Variants in LPP observed in about 807,000 individuals in gnomAD.
The protein encoded by LPP is lipoma-preferred partner.
Under a neutral mutation model 60.4 loss-of-function variants are expected in LPP, and 38 were observed. The observed-to-expected ratio is 0.63, with a 90% CI of 0.49 to 0.83. The LOEUF is 0.83. Among genes scored for constraint, LPP ranks in the 40% least tolerant of loss-of-function variants. The pLI is 0.00. For missense variants in LPP, 902 were observed against 783.6 expected, an observed-to-expected ratio of 1.15 and a Z score of -1.80; for synonymous variants, 328 against 290.8, an observed-to-expected ratio of 1.13 and a Z score of -1.30.
intron 9 of LPP, among the ~76,000 whole-genome samples, chr3:188,794,947 C>A (rs1292935101): frequency 1.3e-5 from 2 of 152,046 alleles, no homozygotes; most frequent in African/African-American, 4.8e-5. Context: ...ACCAACCTGG[C>A]CAACACGGTG....
rs1770628886 is a variant in LPP at position 188,886,117 on chromosome 3, C to T, written c.*11638C>T. On this transcript the variant is annotated 3_prime_UTR_variant, in exon 12 of 12. Transcript: ENST00000617246. The stretch of plus-strand genomic sequence containing the variant: ...ATTGAACAATGAGAACACATGGACA[C>T]AGGAAGGGGAACATCACACTCTGGG... 1 of 145,916 alleles carries T rather than the reference C, an allele frequency of 6.9e-6. No individual in the cohort carries two copies. The highest frequency in any genetic ancestry group is 7.0e-5 in the Admixed American group (1 of 14,236). The allele number at this position is 145,916 out of a possible 1,614,324, so 9.0% of individuals were successfully genotyped here. A position where few individuals can be genotyped will look rare whatever the true frequency, so the allele number is the denominator to read the frequency against.
At chr3:188,807,257 A>C (rs1367452375) in intron 9 of LPP, among the ~76,000 whole-genome samples, 2 of 151,838 alleles carry the variant, frequency 1.3e-5, no homozygotes, top group Non-Finnish European at 2.9e-5. Context: ...GACTGATCTC[A>C]AACTTTTATC....
chr3:188,837,499 A>G (rs557137961), intron 9 of LPP, among the ~76,000 whole-genome samples: 1 of 151,954 alleles, frequency 6.6e-6, no homozygotes, highest in Admixed American at 6.6e-5. Flanking sequence ...GTTCACAGCT[A>G]AATTTGATTT....
At chr3:188,756,998 C>A (rs929093391) in intron 8 of LPP, among the ~76,000 whole-genome samples, 1 of 152,224 alleles carries the variant, frequency 6.6e-6, no homozygotes, top group Non-Finnish European at 1.5e-5. Context: ...GTCACTCATT[C>A]TCTCCGTGAG....
chr3:188,362,934 A>G (rs376835259), intron 3 of LPP, among the ~76,000 whole-genome samples: 1 of 152,192 alleles, frequency 6.6e-6, no homozygotes, highest in Non-Finnish European at 1.5e-5. Flanking sequence ...CATCCACCAC[A>G]TTATTAATTC....
intron 5 of LPP, among the ~76,000 whole-genome samples, chr3:188,515,226 A>G (rs556387462): frequency 2.0e-5 from 3 of 152,098 alleles, no homozygotes; most frequent in Non-Finnish European, 4.4e-5. Flanking sequence ...CTTGGTAATG[A>G]GTGAGTTCTT....
In LPP at chr3:188,225,338, C is replaced by T. The variant is rs182797985; in HGVS notation, c.-189-67C>T. On this transcript the variant is annotated intron_variant, in intron 1 of 11. Coordinates refer to ENST00000617246, the MANE Select transcript of LPP (RefSeq NM_001375462.1). Reference sequence around the variant, plus strand: ...ACGGCCCAGTCAGAGACTTTATAAGCCTGGGAATTTCTGAAGCTGGTTAAG... The same window carrying T: ...ACGGCCCAGTCAGAGACTTTATAAGTCTGGGAATTTCTGAAGCTGGTTAAG... 11 of 152,200 alleles carry T rather than the reference C, an allele frequency of 7.2e-5. 1 individual carries two copies. In the East Asian group the frequency reaches 2.1e-3, roughly 29 times the overall value. The allele number at this position is 152,200 out of a possible 1,614,324, so 9.4% of individuals were successfully genotyped here.
intron 6 of LPP, among the ~76,000 whole-genome samples, chr3:188,552,153 C>A (rs1828316167): frequency 1.3e-5 from 2 of 152,118 alleles, no homozygotes; most frequent in Admixed American, 6.5e-5. Flanking sequence ...TTTTACAATT[C>A]CCAGAATTAT....
chr3:188,371,694 G>T (rs142263994), intron 3 of LPP, among the ~76,000 whole-genome samples: 27 of 106,444 alleles, frequency 2.5e-4, no homozygotes, highest in Admixed American at 7.9e-4. Context: ...TGCTCTTGTC[G>T]CCCAGGCTGG....
At chr3:188,365,919 T>G (rs935520479) in intron 3 of LPP, among the ~76,000 whole-genome samples, 10 of 152,152 alleles carry the variant, frequency 6.6e-5, no homozygotes, top group African/African-American at 2.4e-4. Flanking sequence ...CGTTTAAGAT[T>G]TACTCTATTA....
At chr3:188,203,374 A>G (rs1731682447) in intron 1 of LPP, among the ~76,000 whole-genome samples, 1 of 100,838 alleles carries the variant, frequency 9.9e-6, no homozygotes, top group African/African-American at 4.1e-5. Flanking sequence ...ATATAAATAT[A>G]TATTAATATT....
At position 188,827,616 on chromosome 3, in the gene LPP, G is replaced by A. The variant is rs548165246; in HGVS notation, c.1411-38584G>A. 9.7e-4 allele frequency among the ~76,000 whole-genome samples: 148 copies of A among 152,296 alleles called. 1 individual carries two copies. The highest frequency in any genetic ancestry group is 2.0e-3 in the Admixed American group (30 of 15,298). Reference sequence around the variant, plus strand: ...CTGGGCAACATTTCCACAACAGGGAGTGGAACAGAGAGACAGAAAATATTG... The same window carrying A: ...CTGGGCAACATTTCCACAACAGGGAATGGAACAGAGAGACAGAAAATATTG... On this transcript the variant is annotated intron_variant, in intron 9 of 11. Coordinates refer to ENST00000617246, the MANE Select transcript of LPP (RefSeq NM_001375462.1).
At chr3:188,650,932 C>T (rs903672388) in intron 7 of LPP, among the ~76,000 whole-genome samples, 2 of 152,130 alleles carry the variant, frequency 1.3e-5, no homozygotes, top group African/African-American at 4.8e-5. Flanking sequence ...AAATGACCCA[C>T]AAACTTTGCA....
At chr3:188,781,751 A>G (rs1378596245) in intron 9 of LPP, among the ~76,000 whole-genome samples, 2 of 151,326 alleles carry the variant, frequency 1.3e-5, no homozygotes, top group Non-Finnish European at 3.0e-5. Context: ...AATTAGCCGG[A>G]CATGGTGGCG....
intron 8 of LPP, among the ~76,000 whole-genome samples, chr3:188,733,839 A>T (rs1321527413): frequency 6.6e-6 from 1 of 152,230 alleles, no homozygotes; most frequent in Non-Finnish European, 1.5e-5. Context: ...CTAGAAAATT[A>T]TGCATTTTGT....
chr3:188,222,917 T>G (rs1716335663), intron 1 of LPP, among the ~76,000 whole-genome samples: 1 of 152,146 alleles, frequency 6.6e-6, no homozygotes, highest in Non-Finnish European at 1.5e-5. Flanking sequence ...TTATATTTTC[T>G]TAAAAAAAAT....
At chr3:188,364,541 G>A (rs975064194) in intron 3 of LPP, among the ~76,000 whole-genome samples, 1 of 152,158 alleles carries the variant, frequency 6.6e-6, no homozygotes, top group African/African-American at 2.4e-5. Context: ...TAGAGTTGAG[G>A]AATTTGTAGT....
At chr3:188,577,677 A>G (rs1038623629) in intron 6 of LPP, among the ~76,000 whole-genome samples, 1 of 151,526 alleles carries the variant, frequency 6.6e-6, no homozygotes. Context: ...AAACTATTAC[A>G]TTTTTTCTCC....
intron 2 of LPP, among the ~76,000 whole-genome samples, chr3:188,308,298 G>A (rs1357801241): frequency 2.0e-5 from 3 of 152,140 alleles, no homozygotes; most frequent in Admixed American, 1.3e-4. Context: ...GAGAAGGCAA[G>A]CTGTGGTGAA....
Sources: gnomAD v4.1 joint callset for allele counts (sites outside exome capture counted in the v4.1 genomes callset) on GRCh38, gnomAD v4.1.1 for gene constraint, MANE v1.5 for transcripts, NCBI Gene and HGNC (gene_info 2026-07-23, HGNC 2026-07-21) for gene names.